The following ANTXR2 variants were observed in gnomAD, a reference collection of about 807,000 sequenced individuals.
The protein encoded by ANTXR2 is anthrax toxin receptor 2.
ANTXR2 carries 44 observed loss-of-function variants against 73.7 expected under a neutral mutation model. The ratio of observed to expected loss-of-function variants is 0.60; its 90% CI spans 0.47 to 0.77. The LOEUF is 0.77. ANTXR2 is among the 30% of genes least tolerant of loss of function. The pLI is 0.00. For synonymous variants in ANTXR2, 217 were observed against 205.9 expected, an observed-to-expected ratio of 1.05 and a Z score of -0.46; for missense variants, 604 against 592.5, an observed-to-expected ratio of 1.02 and a Z score of -0.20.
chr4:79,909,582 C>T (rs1289881541), intron 16 of ANTXR2, among the ~76,000 whole-genome samples: 2 of 151,768 alleles, frequency 1.3e-5, no homozygotes, highest in African/African-American at 2.4e-5. Context: ...CTTATTACAA[C>T]TCTTCCAAAG....
chr4:80,006,977 G>C (rs1033093097), intron 12 of ANTXR2, among the ~76,000 whole-genome samples: 4 of 152,042 alleles, frequency 2.6e-5, no homozygotes, highest in Non-Finnish European at 5.9e-5. Context: ...CCCTAAAATA[G>C]CCATAACTAG....
intron 16 of ANTXR2, among the ~76,000 whole-genome samples, chr4:79,926,952 T>TACACATGTGCATATATGTGTATATATAC (rs141662949): frequency 0.017 from 1,654 of 95,730 alleles, 29 homozygotes; most frequent in South Asian, 0.036. Context: ...TGTGTATATA[T>TACACATGTGCATATATGTGTATATATAC]ACGTGTGCAT....
chr4:80,023,544 A>G (rs1732276589), intron 10 of ANTXR2, among the ~76,000 whole-genome samples: 1 of 152,246 alleles, frequency 6.6e-6, no homozygotes. Flanking sequence ...AAAGAATGCG[A>G]TATTAAATAG....
intron 16 of ANTXR2, among the ~76,000 whole-genome samples, chr4:79,956,649 T>G (rs1389822120): frequency 6.6e-6 from 1 of 152,124 alleles, no homozygotes; most frequent in East Asian, 1.9e-4. Context: ...GAATCGGAGT[T>G]CTGACCCTTC....
chr4:79,943,821 G>C (rs1056239061), intron 16 of ANTXR2, among the ~76,000 whole-genome samples: 8 of 151,848 alleles, frequency 5.3e-5, no homozygotes, highest in African/African-American at 1.7e-4. Context: ...TTTGATGTCT[G>C]GTTACTGCTT....
intron 15 of ANTXR2, 52 bp from the exon 16 acceptor site, chr4:79,977,753 G>A (rs913507909): frequency 6.8e-7 from 1 of 1,474,546 alleles, no homozygotes; most frequent in Non-Finnish European, 9.2e-7. Context: ...CAATCTCTAT[G>A]TACTGAATAA....
intron 16 of ANTXR2, among the ~76,000 whole-genome samples, chr4:79,921,754 T>C (rs1001957984): frequency 3.0e-5 from 2 of 67,120 alleles, no homozygotes; most frequent in Admixed American, 1.7e-4. Context: ...GTTTGTTTGT[T>C]GGTTGGTTGG....
At chr4:80,021,028 A>G (rs1225500144) in intron 10 of ANTXR2, among the ~76,000 whole-genome samples, 3 of 151,812 alleles carry the variant, frequency 2.0e-5, no homozygotes, top group African/African-American at 7.3e-5. Flanking sequence ...ACGTGCCTGT[A>G]ATCCCAGCTA....
intron 16 of ANTXR2, among the ~76,000 whole-genome samples, chr4:79,909,668 A>G (rs964614675): frequency 1.3e-5 from 2 of 151,914 alleles, no homozygotes; most frequent in African/African-American, 4.8e-5. Flanking sequence ...ATAAAGAAAA[A>G]CCTATTAAAT....
rs1010682656 is a variant in ANTXR2, at chr4:79,929,115, G to A, written c.1429-21648C>T. On this transcript the variant is annotated intron_variant, in intron 16 of 16. Coordinates refer to ENST00000403729, the MANE Select transcript of ANTXR2 (RefSeq NM_058172.6). ...CAGTCGTTTAAGTTGGCCATAATACGGGTCTCCCTGTCTATTGCCTACAAT... is the reference window on the plus strand; with the variant it reads ...CAGTCGTTTAAGTTGGCCATAATACAGGTCTCCCTGTCTATTGCCTACAAT... Among the ~76,000 whole-genome samples, 7 of 152,038 alleles carry A rather than the reference G, an allele frequency of 4.6e-5. No individual in the cohort carries two copies. In the South Asian group the frequency reaches 6.2e-4, roughly 14 times the overall value.
In ANTXR2 at chr4:80,007,990, C is replaced by CA. The variant is rs565950492; in HGVS notation, c.1041+530dup. 5.8e-4 allele frequency among the ~76,000 whole-genome samples: 89 copies of CA among 152,166 alleles called. No individual in the cohort carries two copies. In the South Asian group the frequency reaches 0.017, roughly 29 times the overall value. On this transcript the variant is annotated intron_variant, in intron 12 of 16. Coordinates refer to ENST00000403729, the MANE Select transcript of ANTXR2 (RefSeq NM_058172.6). Reference sequence around the variant, plus strand: ...TTCTTTCACAGGCTTTATACAAACACAAAAAATGACACAAACTGAAACTCC... The same window carrying CA: ...TTCTTTCACAGGCTTTATACAAACACAAAAAAATGACACAAACTGAAACTCC...
chr4:80,064,303 T>A (rs149657260), intron 3 of ANTXR2, among the ~76,000 whole-genome samples: 1 of 152,016 alleles, frequency 6.6e-6, no homozygotes, highest in Non-Finnish European at 1.5e-5. Context: ...AGAGTAGGAA[T>A]AAGAAAAATA....
In ANTXR2 at chr4:80,072,290, C is replaced by A. The variant is rs879025075; in HGVS notation, c.152+119G>T. 91 of 1,145,006 alleles carry A rather than the reference C, an allele frequency of 7.9e-5. No homozygotes were observed. In the Middle Eastern group the frequency reaches 8.5e-4, roughly 11 times the overall value. The allele number at this position is 1,145,006 out of a possible 1,614,324, so 70.9% of individuals were successfully genotyped here. A position where few individuals can be genotyped will look rare whatever the true frequency, so the allele number is the denominator to read the frequency against. The stretch of plus-strand genomic sequence containing the variant: ...CCTTTGAAAGAAGACAGCAACAGGG[C>A]ACCCCTCCGCGGGTTTCCAACACCA... On this transcript the variant is annotated intron_variant, in intron 1 of 16. Coordinates refer to ENST00000403729, the MANE Select transcript of ANTXR2 (RefSeq NM_058172.6).
intron 12 of ANTXR2, among the ~76,000 whole-genome samples, chr4:80,000,197 T>C (rs1235902107): frequency 1.3e-5 from 2 of 152,058 alleles, no homozygotes; most frequent in African/African-American, 4.8e-5. Context: ...AATTCTTATG[T>C]AGTTGTATCT....
intron 4 of ANTXR2, among the ~76,000 whole-genome samples, chr4:80,055,678 A>C (rs1030212125): frequency 8.5e-5 from 13 of 152,068 alleles, no homozygotes; most frequent in South Asian, 4.1e-4. Flanking sequence ...ATAGATTTTT[A>C]GCTGTGGCTG....
At chr4:80,048,159 T>C (rs1733609859) in intron 7 of ANTXR2, among the ~76,000 whole-genome samples, 2 of 150,734 alleles carry the variant, frequency 1.3e-5, no homozygotes, top group Non-Finnish European at 3.0e-5. Context: ...AACTATATTA[T>C]AAAAATATAA....
intron 14 of ANTXR2, among the ~76,000 whole-genome samples, chr4:79,979,548 A>G (rs1245624134): frequency 6.6e-6 from 1 of 152,154 alleles, no homozygotes; most frequent in Non-Finnish European, 1.5e-5. Flanking sequence ...TTTTACTACA[A>G]TTTTAGAATG....
At chr4:79,962,405 C>T (rs1729180732) in intron 16 of ANTXR2, among the ~76,000 whole-genome samples, 1 of 151,780 alleles carries the variant, frequency 6.6e-6, no homozygotes, top group Admixed American at 6.6e-5. Context: ...TAATTACTTC[C>T]ATTAATTTAA....
At chr4:79,974,348 T>A (rs187609452) in intron 16 of ANTXR2, among the ~76,000 whole-genome samples, 1 of 152,270 alleles carries the variant, frequency 6.6e-6, no homozygotes. Context: ...ACAAATCAAT[T>A]AATTGAATCG....
Sources: gnomAD v4.1 joint callset for allele counts (sites outside exome capture counted in the v4.1 genomes callset) on GRCh38, gnomAD v4.1.1 for gene constraint, MANE v1.5 for transcripts, NCBI Gene and HGNC (gene_info 2026-07-23, HGNC 2026-07-21) for gene names.